Variants in ARHGAP35 observed in about 807,000 individuals in gnomAD.
ARHGAP35 encodes the protein rho GTPase-activating protein 35.
In ARHGAP35, 15 loss-of-function variants were observed where a neutral mutation model predicts 111.1. That is an observed-to-expected ratio of 0.13 (90% CI 0.09 to 0.21). ARHGAP35 has a LOEUF of 0.21. ARHGAP35 is among the 10% of genes least tolerant of loss of function. The pLI is 1.00. For synonymous variants in ARHGAP35, 643 were observed against 710.3 expected (o/e 0.91, Z 1.51); for missense variants, 1,262 against 1,873.0 (o/e 0.67, Z 6.02).
At chr19:46,891,948 C>T (rs993032578) in intron 1 of ARHGAP35, among the ~76,000 whole-genome samples, 5 of 151,506 alleles carry the variant, frequency 3.3e-5, no homozygotes, top group Admixed American at 2.6e-4. Context: ...CGAGACCAGC[C>T]TGGGCAACGT....
intron 1 of ARHGAP35, among the ~76,000 whole-genome samples, chr19:46,891,151 C>G (rs181904975): frequency 9.2e-5 from 14 of 152,248 alleles, no homozygotes; most frequent in Admixed American, 4.6e-4. Context: ...TTCTGATGTA[C>G]AAAATGGGGA....
chr19:46,865,126 A>T (rs543672672), intron 1 of ARHGAP35, among the ~76,000 whole-genome samples: 1 of 152,336 alleles, frequency 6.6e-6, no homozygotes, highest in East Asian at 1.9e-4. Flanking sequence ...ATTTGCTTTC[A>T]TGATGGGATT....
chr19:46,867,743 C>G (rs1372480407), intron 1 of ARHGAP35, among the ~76,000 whole-genome samples: 3 of 151,984 alleles, frequency 2.0e-5, no homozygotes, highest in Non-Finnish European at 4.4e-5. Flanking sequence ...AGAAGATAAA[C>G]AGGTGCTAAA....
chr19:46,939,845 A>C (rs530864221), intron 3 of ARHGAP35, among the ~76,000 whole-genome samples: 6 of 152,166 alleles, frequency 3.9e-5, no homozygotes, highest in Non-Finnish European at 7.3e-5. Context: ...ATCTATAGAC[A>C]TTCTCATTTC....
chr19:46,882,891 A>G (rs2055970154), intron 1 of ARHGAP35, among the ~76,000 whole-genome samples: 1 of 152,218 alleles, frequency 6.6e-6, no homozygotes, highest in Admixed American at 6.5e-5. Flanking sequence ...CTGGAGTAGC[A>G]CTTTTAATTT....
intron 1 of ARHGAP35, among the ~76,000 whole-genome samples, chr19:46,897,333 AT>A (rs1460623635): frequency 5.3e-5 from 8 of 151,908 alleles, no homozygotes; most frequent in African/African-American, 1.9e-4. Context: ...CAAGGTGTCC[AT>A]TTCATGAGGC....
intron 1 of ARHGAP35, among the ~76,000 whole-genome samples, chr19:46,915,929 CTTTT>C (rs869240851): frequency 7.0e-5 from 8 of 113,568 alleles, no homozygotes; most frequent in African/African-American, 1.3e-4. Context: ...AATCCAAACT[CTTTT>C]TTTTTTTTTT....
intron 1 of ARHGAP35, among the ~76,000 whole-genome samples, chr19:46,861,937 C>T (rs1433531617): frequency 6.6e-6 from 1 of 152,086 alleles, no homozygotes; most frequent in Non-Finnish European, 1.5e-5. Flanking sequence ...CTTGTCTGCC[C>T]TCTCGCAGAG....
chr19:46,984,789 G>A (rs928215716), intron 3 of ARHGAP35, among the ~76,000 whole-genome samples: 1 of 152,180 alleles, frequency 6.6e-6, no homozygotes, highest in African/African-American at 2.4e-5. Flanking sequence ...GTTTCAGCAG[G>A]TCCACACCAC....
At chr19:46,870,048 G>A (rs1350070004) in intron 1 of ARHGAP35, among the ~76,000 whole-genome samples, 7 of 148,830 alleles carry the variant, frequency 4.7e-5, no homozygotes, top group African/African-American at 1.7e-4. Flanking sequence ...CTGGGTTCAC[G>A]CCATTCTCCT....
Position 46,994,785 on chromosome 19 carries a change from G to A in ARHGAP35, c.4037-4519G>A, listed in dbSNP as rs563460454. Reference sequence around the variant, plus strand: ...GTAAAATAGTACCCAGGCAGGAGCGGGTCCCCGTAAATATCTGCTCCTCCC... The same window carrying A: ...GTAAAATAGTACCCAGGCAGGAGCGAGTCCCCGTAAATATCTGCTCCTCCC... On this transcript the variant is annotated intron_variant, in intron 5 of 6. Coordinates refer to ENST00000672722, the MANE Select transcript of ARHGAP35 (RefSeq NM_004491.5). The surrounding 1 kb of genome is among the most constrained non-coding windows in gnomAD (Gnocchi z 5.4). Among the ~76,000 whole-genome samples, 1 of 152,280 alleles carries A rather than the reference G, an allele frequency of 6.6e-6. No homozygotes were observed. The highest frequency in any genetic ancestry group is 1.9e-4 in the East Asian group (1 of 5,170).
At chr19:46,906,223 T>C (rs2056107054) in intron 1 of ARHGAP35, among the ~76,000 whole-genome samples, 1 of 152,146 alleles carries the variant, frequency 6.6e-6, no homozygotes, top group Non-Finnish European at 1.5e-5. Context: ...GTGGGAGGAT[T>C]GCTTGAGCCC....
chr19:46,871,213 C>G, intron 1 of ARHGAP35, among the ~76,000 whole-genome samples: 1 of 152,144 alleles, frequency 6.6e-6, no homozygotes, highest in East Asian at 1.9e-4. Flanking sequence ...TTATTTTGAT[C>G]TTTGTTTGCT....
At chr19:46,869,943 CTTTT>C (rs746775975) in intron 1 of ARHGAP35, among the ~76,000 whole-genome samples, 403 of 111,130 alleles carry the variant, frequency 3.6e-3, no homozygotes, top group African/African-American at 0.014. Flanking sequence ...TCACTGTGTA[CTTTT>C]TTTTTTTTTT....
chr19:46,873,259 A>C (rs2055897334), intron 1 of ARHGAP35, among the ~76,000 whole-genome samples: 1 of 152,174 alleles, frequency 6.6e-6, no homozygotes, highest in Non-Finnish European at 1.5e-5. Flanking sequence ...AGTCTACTCC[A>C]TGGTGGATAG....
intron 3 of ARHGAP35, among the ~76,000 whole-genome samples, chr19:46,949,325 G>A (rs984040223): frequency 5.3e-5 from 8 of 152,052 alleles, no homozygotes; most frequent in Middle Eastern, 3.2e-3. Context: ...ATCATCTAGC[G>A]CATTAACTAC....
At position 46,994,783 on chromosome 19, in the gene ARHGAP35, C is replaced by T. The variant is rs144252334; in HGVS notation, c.4037-4521C>T. On this transcript the variant is annotated intron_variant, in intron 5 of 6. Transcript: ENST00000672722. This position sits in a 1 kb window ranked among gnomAD's most constrained non-coding sequence, Gnocchi z 5.4. ...GTGTAAAATAGTACCCAGGCAGGAG[C>T]GGGTCCCCGTAAATATCTGCTCCTC... Among the ~76,000 whole-genome samples, 711 of 152,272 alleles carry T rather than the reference C, an allele frequency of 4.7e-3. 9 individuals are homozygous for T. Among genetic ancestry groups the T allele is most frequent in the African/African-American group, 0.017 (700 of 41,552 alleles).
At chr19:46,879,587 A>AAAATAAATAAAT (rs376342193) in intron 1 of ARHGAP35, among the ~76,000 whole-genome samples, 5,456 of 87,648 alleles carry the variant, frequency 0.062, 227 homozygotes, top group Non-Finnish European at 0.069. Context: ...ACTCCATCTC[A>AAAATAAATAAAT]AAATAAATAA....
At chr19:46,889,974 G>T (rs1458133114) in intron 1 of ARHGAP35, among the ~76,000 whole-genome samples, 1 of 152,164 alleles carries the variant, frequency 6.6e-6, no homozygotes, top group South Asian at 2.1e-4. Context: ...TGGGTCAGGG[G>T]TGTCTATGAT....
Sources: allele counts gnomAD v4.1 joint callset (sites outside exome capture counted in the v4.1 genomes callset), GRCh38; gene constraint gnomAD v4.1.1; non-coding constraint Gnocchi (gnomAD v3.1); transcripts MANE v1.5; gene names NCBI Gene and HGNC (gene_info 2026-07-23, HGNC 2026-07-21).